Variants in PDGFRA observed in about 807,000 individuals in gnomAD.
The protein encoded by PDGFRA is platelet-derived growth factor receptor alpha.
Under a neutral mutation model 121.5 loss-of-function variants are expected in PDGFRA, and 25 were observed. That is an observed-to-expected ratio of 0.21 (90% confidence interval 0.15 to 0.29). PDGFRA has a LOEUF of 0.29. PDGFRA is among the 10% of genes least tolerant of loss of function. The pLI is 1.00. For synonymous variants in PDGFRA, 463 were observed against 494.8 expected (o/e 0.94, Z 0.85); for missense variants, 1,008 against 1,345.1 (o/e 0.75, Z 3.92).
chr4:54,269,604 A>G (rs12644749), intron 7 of PDGFRA, among the ~76,000 whole-genome samples: 26,486 of 150,284 alleles, frequency 0.18, 2,824 homozygotes, highest in Admixed American at 0.28. Context: ...GTTTGAAGAG[A>G]CATATATTTT....
chr4:54,231,233 G>T (rs553099377), intron 1 of PDGFRA, among the ~76,000 whole-genome samples: 5 of 152,332 alleles, frequency 3.3e-5, no homozygotes, highest in African/African-American at 1.2e-4. Flanking sequence ...GCATGGATGG[G>T]GCCCATATCA....
chr4:54,277,814 A>T (rs1723820973), intron 13 of PDGFRA, 82 bp from the exon 14 acceptor site: 1 of 867,396 alleles, frequency 1.2e-6, no homozygotes, highest in Admixed American at 1.9e-5. Context: ...CAATCACAGG[A>T]TTAGTCATAT....
intron 7 of PDGFRA, among the ~76,000 whole-genome samples, chr4:54,269,838 A>G (rs1012279402): frequency 3.3e-5 from 5 of 149,442 alleles, no homozygotes; most frequent in African/African-American, 1.2e-4. Flanking sequence ...TTTAGTAGAG[A>G]TGGGGGTTTC....
Position 54,237,748 on chromosome 4 carries a change from T to G in PDGFRA, c.-13+8333T>G, listed in dbSNP as rs751584385. The stretch of plus-strand genomic sequence containing the variant: ...TGAATTGCATTTGGGTTCACAGCAC[T>G]GTAATTGTGTTTCTCCTGCTGTGGT... On this transcript the variant is annotated intron_variant, in intron 1 of 22. Coordinates refer to ENST00000257290, the MANE Select transcript of PDGFRA (RefSeq NM_006206.6). 4.8e-4 allele frequency among the ~76,000 whole-genome samples: 73 copies of G among 152,330 alleles called. 1 individual carries two copies. The Middle Eastern group carries it at 0.01, about 21-fold the overall frequency.
Position 54,267,723 on chromosome 4 carries a change from A to G in PDGFRA, c.1103A>G (p.Glu368Gly), listed in dbSNP as rs1060501521. The change falls in exon 7 of 23, where the codon GAA becomes GGA. Residue 368 changes from glutamate (E) to glycine (G), a missense_variant. Coordinates refer to ENST00000257290, the MANE Select transcript of PDGFRA (RefSeq NM_006206.6). ...ENLTEITTDV[E>G]KIQEIRYRSK... is the part of the protein sequence containing the mutation. ...CTCACTGAGATCACCACTGATGTGG[A>G]AAAGATTCAGGAAATAAGGTAAAGA... 6.2e-7 allele frequency: 1 copy of G among 1,613,940 alleles called. No homozygotes were observed. Among genetic ancestry groups the G allele is most frequent in the Non-Finnish European group, 8.5e-7 (1 of 1,179,848 alleles).
At chr4:54,231,668 G>T (rs4864504) in intron 1 of PDGFRA, among the ~76,000 whole-genome samples, 16 of 152,258 alleles carry the variant, frequency 1.1e-4, no homozygotes, top group African/African-American at 2.6e-4. Context: ...GGCCGACCAG[G>T]CTCGCTTTGA....
In PDGFRA at chr4:54,290,375, T is replaced by G. The variant is rs773786704; in HGVS notation, c.2943T>G (p.Arg981=). The G allele has an allele frequency of 1.2e-6, 2 of 1,613,058 alleles. No homozygotes were observed. The highest frequency in any genetic ancestry group is 4.5e-5 in the East Asian group (2 of 44,886). ...KSDHPAVARM[R]VDSDNAYIGV... is the part of the protein sequence containing the mutation. ...ACCATCCTGCTGTGGCACGCATGCG[T>G]GTGGACTCAGACAATGCATACATTG... The change falls in exon 22 of 23, where the codon CGT becomes CGG. Residue 981 remains arginine, a synonymous_variant. Coordinates refer to ENST00000257290, the MANE Select transcript of PDGFRA (RefSeq NM_006206.6).
At position 54,267,336 on chromosome 4, in the gene PDGFRA, C is replaced by T. The variant is rs1553903217; in HGVS notation, c.807C>T (p.Ile269=). 7 of 1,614,164 alleles carry T rather than the reference C, an allele frequency of 4.3e-6. No homozygotes were observed. Among genetic ancestry groups the T allele is most frequent in the Non-Finnish European group, 5.9e-6 (7 of 1,180,012 alleles). The change falls in exon 6 of 23, where the codon ATC becomes ATT. Residue 269 remains isoleucine (I), a synonymous_variant. Coordinates refer to ENST00000257290, the MANE Select transcript of PDGFRA (RefSeq NM_006206.6). The part of the protein sequence containing the change: ...TMLEEIKVPS[I]KLVYTLTVPE... ...TGGAAGAAATCAAAGTCCCATCCAT[C>T]AAATTGGTGTACACTTTGACGGTCC...
In PDGFRA at chr4:54,273,654, G is replaced by A. The variant is rs1365690349; in HGVS notation, c.1482G>A (p.Glu494=). 1 of 1,614,086 alleles carries A rather than the reference G, an allele frequency of 6.2e-7. No homozygotes were observed. Residue 494 remains glutamate, a synonymous_variant, in exon 10 of 23, where the codon GAG becomes GAA. Coordinates refer to ENST00000257290, the MANE Select transcript of PDGFRA (RefSeq NM_006206.6). ...GCCGTGTGACTTTCGCCAAAGTGGAGGAGACCATCGCCGTGCGATGCCTGG... is the reference window on the plus strand; with the variant it reads ...GCCGTGTGACTTTCGCCAAAGTGGAAGAGACCATCGCCGTGCGATGCCTGG... ...VEGRVTFAKV[E]ETIAVRCLAK... is the part of the protein sequence containing the mutation.
intron 3 of PDGFRA, 57 bp downstream of exon 3, chr4:54,261,469 A>G: frequency 1.7e-6 from 2 of 1,193,928 alleles, no homozygotes; most frequent in Middle Eastern, 4.1e-4. Flanking sequence ...CTCCTGTTAA[A>G]TGTACTAAGG....
At chr4:54,246,686 AG>A (rs1439614034) in intron 1 of PDGFRA, among the ~76,000 whole-genome samples, 1 of 151,952 alleles carries the variant, frequency 6.6e-6, no homozygotes, top group African/African-American at 2.4e-5. Flanking sequence ...CACATTCAAA[AG>A]CTAGCAGAAG....
At position 54,285,432 on chromosome 4, in the gene PDGFRA, G is replaced by A. The variant is rs1344944929; in HGVS notation, c.2385G>A (p.Leu795=). 2 of 1,593,780 alleles carry A rather than the reference G, an allele frequency of 1.3e-6. No homozygotes were observed. Among genetic ancestry groups the A allele is most frequent in the Non-Finnish European group, 1.7e-6 (2 of 1,161,542 alleles). Residue 795 remains leucine (L), a synonymous_variant, in exon 17 of 23, where the codon TTG becomes TTA. Coordinates refer to ENST00000257290, the MANE Select transcript of PDGFRA (RefSeq NM_006206.6). The part of the protein sequence containing the change: ...DNSEGLTLLD[L]LSFTYQVARG... ...CAGAAGGCCTTACTTTATTGGATTT[G>A]TTGAGCTTCACCTATCAAGTTGCCC... is the stretch of plus-strand genomic sequence containing the variant.
intron 2 of PDGFRA, among the ~76,000 whole-genome samples, chr4:54,260,419 T>G (rs1352559096): frequency 5.4e-5 from 7 of 129,060 alleles, no homozygotes; most frequent in South Asian, 2.8e-4. Flanking sequence ...TTTTTTTTTT[T>G]TTTTTTTGAG....
chr4:54,275,019 C>T (rs1457085012), intron 12 of PDGFRA, 46 bp downstream of exon 12: 24 of 1,604,882 alleles, frequency 1.5e-5, no homozygotes, highest in Non-Finnish European at 2.0e-5. Context: ...TTCCCTTGCA[C>T]ACAACTTTAC....
Position 54,273,593 on chromosome 4 carries a change from C to T in PDGFRA, c.1421C>T (p.Thr474Met), listed in dbSNP as rs751618661. The T allele has an allele frequency of 5.0e-6, 8 of 1,614,116 alleles. No individual in the cohort carries two copies. The East Asian group carries it at 6.7e-5, about 13-fold the overall frequency. ...GCCAACAATGTCTCAAACATCATCA[C>T]GGAGATCCACTCCCGAGACAGGAGT... ...ILANNVSNIITEIHSRDRSTV... is the reference protein window; with the variant it reads ...ILANNVSNIIMEIHSRDRSTV... The change falls in exon 10 of 23, where the codon ACG becomes ATG. Residue 474 changes from threonine to methionine, a missense_variant. Physicochemically the swap from Thr to Met is moderately conservative, Grantham distance 81 (BLOSUM62 -1). This residue lies in a region of PDGFRA where 575 missense variants were observed against 701.8 expected (regional missense o/e 0.82). Transcript: ENST00000257290.
At chr4:54,254,959 G>A (rs962724906) in intron 1 of PDGFRA, among the ~76,000 whole-genome samples, 1 of 152,204 alleles carries the variant, frequency 6.6e-6, no homozygotes, top group Admixed American at 6.5e-5. Context: ...AGGAAATTGT[G>A]GGGGAGGGAC....
chr4:54,243,348 G>T (rs1344586266), intron 1 of PDGFRA, among the ~76,000 whole-genome samples: 2 of 152,188 alleles, frequency 1.3e-5, no homozygotes, highest in Non-Finnish European at 2.9e-5. Context: ...GATTACTGGA[G>T]AAAGTTTTAC....
intron 1 of PDGFRA, among the ~76,000 whole-genome samples, chr4:54,249,338 T>A (rs1250641149): frequency 1.3e-5 from 2 of 152,204 alleles, no homozygotes; most frequent in African/African-American, 2.4e-5. Flanking sequence ...TGCACACGTA[T>A]GTTTATTGCG....
chr4:54,268,170 C>G (rs894290077), intron 7 of PDGFRA, among the ~76,000 whole-genome samples: 5 of 152,208 alleles, frequency 3.3e-5, no homozygotes, highest in Non-Finnish European at 7.3e-5. Context: ...TAATCTGGAA[C>G]CCATTTGCCC....
Sources: gnomAD v4.1 joint callset for allele counts (sites outside exome capture counted in the v4.1 genomes callset) on GRCh38, gnomAD v4.1.1 for gene constraint, gnomAD v4.1.1 regional missense constraint, MANE v1.5 for transcripts, NCBI Gene and HGNC (gene_info 2026-07-23, HGNC 2026-07-21) for gene names.